GGA2: variants seen among roughly 807,000 people sequenced by gnomAD.
The protein encoded by GGA2 is golgi associated, gamma adaptin ear containing, ARF binding protein 2, also known as ADP-ribosylation factor-binding protein GGA2.
A neutral mutation model predicts 79.5 loss-of-function variants in GGA2; 48 were observed. The observed-to-expected ratio is 0.60, with a 90% CI of 0.48 to 0.77. The LOEUF (loss-of-function observed/expected upper bound fraction) is 0.77, where lower values mean the gene tolerates loss of function less well. GGA2 is among the 30% of genes least tolerant of loss of function. The pLI, the probability that GGA2 is intolerant of heterozygous loss-of-function variation, is 0.00. For missense variants in GGA2, 770 were observed against 774.0 expected, an observed-to-expected ratio of 0.99 and a Z score of 0.06; for synonymous variants, 317 against 302.0, an observed-to-expected ratio of 1.05 and a Z score of -0.51.
chr16:23,478,653 T>C, intron 12 of GGA2, 152 bp from the exon 13 acceptor site: 1 of 801,946 alleles, frequency 1.2e-6, no homozygotes, highest in Non-Finnish European at 2.1e-6. Flanking sequence ...AAGGGCAAGA[T>C]CACATGCAGC....
rs1488659127 is a variant in GGA2 at position 23,466,952 on chromosome 16, C to G, written c.*638G>C. 1 of 153,198 alleles carries G rather than the reference C, an allele frequency of 6.5e-6. No homozygotes were observed. The highest frequency in any genetic ancestry group is 2.4e-5 in the African/African-American group (1 of 41,426). The allele number at this position is 153,198 out of a possible 1,614,324, so 9.5% of individuals were successfully genotyped here. ...AGTGGTGAAGGACATGATTGGTCCC[C>G]CAAGTGTGGTCCTCAGGTCTCATGG... On this transcript the variant is annotated 3_prime_UTR_variant, in exon 17 of 17. Coordinates refer to ENST00000309859, the MANE Select transcript of GGA2 (RefSeq NM_015044.4).
chr16:23,513,281 A>AG (rs1417554303), upstream of GGA2, among the ~76,000 whole-genome samples: 1 of 11,472 alleles, frequency 8.7e-5, no homozygotes, highest in Non-Finnish European at 3.9e-4. Flanking sequence ...CTTTGAACTC[A>AG]AAGACAGTGG....
At chr16:23,501,375 A>C (rs1296563234) in intron 1 of GGA2, 1 of 452,704 alleles carries the variant, frequency 2.2e-6, no homozygotes, top group Non-Finnish European at 4.4e-6. Context: ...CAGAATCCCA[A>C]GGACATTGCA....
rs559816092 is a variant in GGA2 at position 23,465,670 on chromosome 16, G to A, written c.*1920C>T. 6.9e-6 allele frequency: 3 copies of A among 437,856 alleles called. No homozygotes were observed. The South Asian group carries it at 9.2e-5, about 13-fold the overall frequency. 27.1% of individuals were successfully genotyped at this position (437,856 alleles called of 1,614,324 possible). A position where few individuals can be genotyped will look rare whatever the true frequency, so the allele number is the denominator to read the frequency against. ...AAAAGCTACACAGAGGCCGGGTGCG[G>A]TGGCTCACGCCTGTAATCCCAGCAC... is the stretch of plus-strand genomic sequence containing the variant. On this transcript the variant is annotated 3_prime_UTR_variant, in exon 17 of 17. Transcript: ENST00000309859.
chr16:23,492,822 AG>A (rs1170096181), intron 4 of GGA2, among the ~76,000 whole-genome samples: 9 of 152,336 alleles, frequency 5.9e-5, no homozygotes, highest in Admixed American at 1.3e-4. Flanking sequence ...GCTGAAACAC[AG>A]GAAGCCTAAG....
chr16:23,467,775 G>GA (rs1964460545), intron 16 of GGA2, 75 bp from the exon 17 acceptor site: 1 of 770,520 alleles, frequency 1.3e-6, no homozygotes, highest in African/African-American at 1.7e-5. Context: ...TAAGTCAAGT[G>GA]AGTGTTTCAA....
At position 23,480,390 on chromosome 16, in the gene GGA2, T is replaced by A. The variant is rs560034542; in HGVS notation, c.1006+255A>T. ...TCTAGCTCCTGTATGCAAGCATTTA[T>A]GAGAATTCAAACGCAGGCACAGCTT... On this transcript the variant is annotated intron_variant, in intron 10 of 16. Coordinates refer to ENST00000309859, the MANE Select transcript of GGA2 (RefSeq NM_015044.4). 1.9e-5 allele frequency: 8 copies of A among 422,582 alleles called. No homozygotes were observed. The South Asian group carries it at 3.3e-4, about 17-fold the overall frequency. The allele number at this position is 422,582 out of a possible 1,614,324, so 26.2% of individuals were successfully genotyped here.
chr16:23,498,978 C>T (rs1309666073), intron 1 of GGA2, among the ~76,000 whole-genome samples: 1 of 152,022 alleles, frequency 6.6e-6, no homozygotes, highest in Non-Finnish European at 1.5e-5. Flanking sequence ...GTGACTGGAC[C>T]TGGAGGGAGA....
chr16:23,505,605 G>A (rs977192060), intron 1 of GGA2, among the ~76,000 whole-genome samples: 35 of 152,096 alleles, frequency 2.3e-4, no homozygotes, highest in African/African-American at 7.5e-4. Flanking sequence ...ATACTCCTCT[G>A]GGAACAACCC....
At chr16:23,518,293 C>T (rs1211804213) in intron 2 of GGA2, among the ~76,000 whole-genome samples, 1 of 152,112 alleles carries the variant, frequency 6.6e-6, no homozygotes, top group Admixed American at 6.5e-5. Context: ...ACTGCTGCCT[C>T]GACTTCCTGG....
intron 1 of GGA2, 72 bp downstream of exon 1, chr16:23,510,249 G>T (rs1281269370): frequency 2.0e-6 from 2 of 1,013,154 alleles, no homozygotes; most frequent in Non-Finnish European, 2.7e-6. Flanking sequence ...CCGAAGCAAG[G>T]CCCCGGGAGG....
At position 23,493,386 on chromosome 16, in the gene GGA2, C is replaced by G. The variant is rs752791823; in HGVS notation, c.325G>C (p.Glu109Gln). The stretch of plus-strand genomic sequence containing the variant: ...TTTGGGGACAACACTTTGATCAGTT[C>G]GTTCAGGAAACGAAATTTGGCCACC... ...SEVAKFRFLN[E>Q]LIKVLSPKYL... The change falls in exon 4 of 17, where the codon GAA (glutamate) becomes CAA (glutamine). Residue 109 changes from glutamate (E) to glutamine (Q), a missense_variant. Glu to Gln is a conservative substitution (Grantham distance 29). Coordinates refer to ENST00000309859, the MANE Select transcript of GGA2 (RefSeq NM_015044.4). 1 of 1,608,322 alleles carries G rather than the reference C, an allele frequency of 6.2e-7. No homozygotes were observed. Among genetic ancestry groups the G allele is most frequent in the Non-Finnish European group, 8.5e-7 (1 of 1,174,754 alleles).
intron 13 of GGA2, among the ~76,000 whole-genome samples, chr16:23,477,678 C>G (rs1964591816): frequency 6.6e-6 from 1 of 151,832 alleles, no homozygotes; most frequent in Non-Finnish European, 1.5e-5. Context: ...ACCTGGGAGG[C>G]AGAGGTTGCA....
In GGA2 at chr16:23,480,722, T is replaced by G. The variant is rs1964636889; in HGVS notation, c.929A>C (p.Tyr310Ser). ...NDLLTQGVLL[Y>S]KQVMEGRVTF... ...GACCCGGCCCTCCATCACCTGTTTG[T>G]ACAGCAGAACTCCTTGGGTGAGGAG... The change falls in exon 10 of 17, where the codon TAC becomes TCC. Residue 310 changes from tyrosine (Y) to serine (S), a missense_variant. By Grantham distance (144) the Tyr-to-Ser change is moderately radical. Coordinates refer to ENST00000309859, the MANE Select transcript of GGA2 (RefSeq NM_015044.4). The G allele has an allele frequency of 6.2e-7, 1 of 1,613,514 alleles. No homozygotes were observed. The highest frequency in any genetic ancestry group is 8.5e-7 in the Non-Finnish European group (1 of 1,179,408).
In GGA2 at chr16:23,486,797, A is replaced by G; in HGVS notation, c.580-7T>C. On this transcript the variant is annotated splice_region_variant and splice_polypyrimidine_tract_variant and intron_variant, in intron 6 of 16. Transcript: ENST00000309859. ...TTAGAAGCCTTGTCAGAAGCTGCAGAGAGTGAACAGGAAGAGTAGGTGAGA... is the reference window on the plus strand; with the variant it reads ...TTAGAAGCCTTGTCAGAAGCTGCAGGGAGTGAACAGGAAGAGTAGGTGAGA... The G allele has an allele frequency of 6.3e-7, 1 of 1,577,184 alleles. No individual in the cohort carries two copies. The highest frequency in any genetic ancestry group is 1.1e-5 in the South Asian group (1 of 90,320).
intron 14 of GGA2, among the ~76,000 whole-genome samples, chr16:23,474,573 G>C (rs1964553154): frequency 6.6e-6 from 1 of 152,036 alleles, no homozygotes; most frequent in Admixed American, 6.6e-5. Context: ...GGCCAGGCTG[G>C]TCTGGAACTC....
At chr16:23,522,923 G>A (rs1365988421), upstream of GGA2, 1 of 152,170 alleles carries the variant, frequency 6.6e-6, no homozygotes, top group Non-Finnish European at 1.5e-5. Flanking sequence ...TTGGTGGGAG[G>A]CCTCGATCCC....
intron 2 of GGA2, among the ~76,000 whole-genome samples, chr16:23,515,588 A>AT (rs1965098416): frequency 6.6e-6 from 1 of 151,408 alleles, no homozygotes; most frequent in Non-Finnish European, 1.5e-5. Context: ...AAAAAAAAAA[A>AT]AAAAATTAAA....
chr16:23,496,991 C>CA (rs1193291427), intron 1 of GGA2, among the ~76,000 whole-genome samples: 1 of 146,388 alleles, frequency 6.8e-6, no homozygotes, highest in Non-Finnish European at 1.5e-5. Flanking sequence ...GGCGTGGTGG[C>CA]ATGTGACTGT....
Sources: gnomAD v4.1 joint callset for allele counts (sites outside exome capture counted in the v4.1 genomes callset) on GRCh38, gnomAD v4.1.1 for gene constraint, MANE v1.5 for transcripts, NCBI Gene and HGNC (gene_info 2026-07-23, HGNC 2026-07-21) for gene names.